The following FSTL4 variants were observed in gnomAD, a reference collection of about 807,000 sequenced individuals.
FSTL4 encodes follistatin-related protein 4.
A neutral mutation model predicts 78.2 loss-of-function variants in FSTL4; 28 were observed. The observed-to-expected ratio is 0.36, with a 90% CI of 0.27 to 0.49. The LOEUF is 0.49. Ranked by LOEUF, FSTL4 falls within the 20% of genes least tolerant of loss-of-function variation. The pLI, the probability that FSTL4 is intolerant of heterozygous loss-of-function variation, is 0.98. For synonymous variants in FSTL4, 422 were observed against 440.5 expected (o/e 0.96, Z 0.53); for missense variants, 922 against 1,084.9 (o/e 0.85, Z 2.11).
chr5:133,247,563 C>T (rs922394053), intron 7 of FSTL4: 4 of 152,258 alleles, frequency 2.6e-5, no homozygotes, highest in African/African-American at 9.6e-5. Flanking sequence ...CAGTAGAGGA[C>T]ATCACACTCA....
chr5:133,606,476 A>G (rs1561485002), intron 1 of FSTL4, among the ~76,000 whole-genome samples: 1 of 152,338 alleles, frequency 6.6e-6, no homozygotes, highest in African/African-American at 2.4e-5. Context: ...CTCCATAAGT[A>G]ATCCTCTTCT....
At chr5:133,638,229 C>T in the FSTL4 span, among the ~76,000 whole-genome samples, 2 of 152,244 alleles carry the variant, frequency 1.3e-5, no homozygotes, top group Admixed American at 6.5e-5. Flanking sequence ...CACTCCCTTA[C>T]AGGCCACCAT....
intron 3 of FSTL4, among the ~76,000 whole-genome samples, chr5:133,442,022 C>T (rs973265788): frequency 2.6e-5 from 4 of 152,168 alleles, no homozygotes; most frequent in Non-Finnish European, 5.9e-5. Context: ...TGTCACATGG[C>T]GAAATCCCAT....
In FSTL4 at chr5:133,400,990, C is replaced by T. The variant is rs1348529152; in HGVS notation, c.161-4G>A. The T allele has an allele frequency of 6.2e-7, 1 of 1,612,782 alleles. No homozygotes were observed. The highest frequency in any genetic ancestry group is 8.5e-7 in the Non-Finnish European group (1 of 1,179,962). On this transcript the variant is annotated splice_region_variant and splice_polypyrimidine_tract_variant and intron_variant, in intron 3 of 15. Transcript: ENST00000265342. ...AGCTCGTTGTGGCTGGAAAGCCCTG[C>T]CAGACACACAAACACAGAGGGTCAG...
the FSTL4 span, among the ~76,000 whole-genome samples, chr5:133,766,654 G>A: frequency 6.6e-6 from 1 of 152,206 alleles, no homozygotes; most frequent in African/African-American, 2.4e-5. Flanking sequence ...AGGAAAGAGA[G>A]GGTCACGGTG....
chr5:133,816,952 T>A, the FSTL4 span, among the ~76,000 whole-genome samples: 1 of 152,106 alleles, frequency 6.6e-6, no homozygotes, highest in Non-Finnish European at 1.5e-5. Context: ...ACTGCTGTAC[T>A]CCAGGCAGCC....
At chr5:133,590,443 T>C (rs1437576991) in intron 2 of FSTL4, among the ~76,000 whole-genome samples, 1 of 152,174 alleles carries the variant, frequency 6.6e-6, no homozygotes, top group Non-Finnish European at 1.5e-5. Context: ...TTGTCTTCCA[T>C]GATGACAGGC....
At chr5:133,721,163 A>G in the FSTL4 span, among the ~76,000 whole-genome samples, 1 of 152,174 alleles carries the variant, frequency 6.6e-6, no homozygotes, top group African/African-American at 2.4e-5. Flanking sequence ...CCTTTTGCCC[A>G]TCTTTTTTAC....
intron 14 of FSTL4, chr5:133,207,951 C>A (rs909437618): frequency 6.6e-6 from 1 of 152,104 alleles, no homozygotes; most frequent in African/African-American, 2.4e-5. Flanking sequence ...GCACCTGGCT[C>A]CTACTCTTTT....
intron 3 of FSTL4, among the ~76,000 whole-genome samples, chr5:133,485,777 C>T (rs1238272660): frequency 6.6e-6 from 1 of 152,190 alleles, no homozygotes; most frequent in African/African-American, 2.4e-5. Flanking sequence ...CTGTACAGGA[C>T]CAGGGCTGAG....
chr5:133,670,052 T>C, the FSTL4 span, among the ~76,000 whole-genome samples: 4 of 152,186 alleles, frequency 2.6e-5, no homozygotes, highest in South Asian at 2.1e-4. Context: ...GCTCCCAAGA[T>C]GCCCACACTG....
chr5:133,713,585 C>T, the FSTL4 span, among the ~76,000 whole-genome samples: 1 of 152,262 alleles, frequency 6.6e-6, no homozygotes, highest in Non-Finnish European at 1.5e-5. Flanking sequence ...AGCTAGCTAC[C>T]AGACAGCTTT....
intron 6 of FSTL4, among the ~76,000 whole-genome samples, chr5:133,267,583 T>G (rs763913365): frequency 3.3e-5 from 5 of 152,110 alleles, no homozygotes; most frequent in Admixed American, 6.5e-5. Context: ...ATGGCCATAG[T>G]GCTCCTGGGG....
At chr5:133,830,771 A>G in the FSTL4 span, among the ~76,000 whole-genome samples, 1 of 151,876 alleles carries the variant, frequency 6.6e-6, no homozygotes, top group Non-Finnish European at 1.5e-5. Flanking sequence ...AACACCCCAG[A>G]CTCCGCGGCA....
the FSTL4 span, among the ~76,000 whole-genome samples, chr5:133,818,931 C>CTATATGTATATATATA: frequency 1.6e-5 from 1 of 61,756 alleles, no homozygotes; most frequent in Non-Finnish European, 2.9e-5. Context: ...TTAGAAGATA[C>CTATATGTATATATATA]TATATATATA....
At chr5:133,616,344 T>TCTATCTAC (rs1561488161), upstream of FSTL4, among the ~76,000 whole-genome samples, 1 of 151,216 alleles carries the variant, frequency 6.6e-6, no homozygotes, top group African/African-American at 2.4e-5. Context: ...TATCTATCTA[T>TCTATCTAC]CTATCTATCT....
chr5:133,414,208 C>T (rs755191338), intron 3 of FSTL4, among the ~76,000 whole-genome samples: 5 of 152,210 alleles, frequency 3.3e-5, no homozygotes, highest in Non-Finnish European at 5.9e-5. Flanking sequence ...ATATGAGCTA[C>T]AATTCCTTCT....
chr5:133,277,414 C>T (rs558247967), intron 6 of FSTL4, among the ~76,000 whole-genome samples: 11 of 152,128 alleles, frequency 7.2e-5, no homozygotes, highest in South Asian at 4.2e-4. Context: ...GAGGTGCTGG[C>T]GGCACTGTAT....
At chr5:133,375,148 T>C (rs1580659396) in intron 4 of FSTL4, among the ~76,000 whole-genome samples, 1 of 151,760 alleles carries the variant, frequency 6.6e-6, no homozygotes, top group East Asian at 1.9e-4. Flanking sequence ...GAAGGGATTC[T>C]CTGCACTTTC....
Sources: gnomAD v4.1 joint callset for allele counts (sites outside exome capture counted in the v4.1 genomes callset) on GRCh38, gnomAD v4.1.1 for gene constraint, MANE v1.5 for transcripts, NCBI Gene and HGNC (gene_info 2026-07-23, HGNC 2026-07-21) for gene names.